Variants in TERT observed in about 807,000 individuals in gnomAD.
TERT encodes telomerase reverse transcriptase, also known as telomerase catalytic subunit.
In TERT, 42 loss-of-function variants were observed where a neutral mutation model predicts 104.0. That is an observed-to-expected ratio of 0.40 (90% CI 0.32 to 0.52). The LOEUF is 0.52. Ranked by LOEUF, TERT falls within the 20% of genes least tolerant of loss-of-function variation. TERT has a pLI of 0.43. For synonymous variants in TERT, 781 were observed against 725.6 expected, an observed-to-expected ratio of 1.08 and a Z score of -1.23; for missense variants, 1,101 against 1,610.3, an observed-to-expected ratio of 0.68 and a Z score of 5.41.
chr5:1,280,279 C>T lies in TERT; in HGVS notation c.1829G>A (p.Arg610Gln), dbSNP rs776763536. The change falls in exon 4 of 16, where the codon CGG becomes CAG. Residue 610 changes from arginine to glutamine, a missense_variant. By Grantham distance (43) the Arg-to-Gln change is conservative. This residue lies in a region of TERT where 463 missense variants were observed against 797.5 expected (regional missense o/e 0.58). Coordinates refer to ENST00000310581, the MANE Select transcript of TERT (RefSeq NM_198253.3). ...CGTCAGCAGGGCGGGCCTGGCTTCC[C>T]GATGCTGCCTGACCTCTGCTTCCGA... Reference protein sequence around the residue: ...ELSEAEVRQHREARPALLTSR... With the variant: ...ELSEAEVRQHQEARPALLTSR... The T allele has an allele frequency of 1.1e-5, 17 of 1,613,720 alleles. No homozygotes were observed. In the East Asian group the frequency reaches 1.6e-4, roughly 15 times the overall value.
intron 10 of TERT, 23 bp from the exon 11 acceptor site, chr5:1,264,615 G>A (rs1421374573): frequency 1.2e-6 from 2 of 1,613,242 alleles, no homozygotes; most frequent in African/African-American, 1.3e-5. Flanking sequence ...GGCAATGTCA[G>A]CCCCAGGATG....
At chr5:1,277,800 C>T (rs1749711170) in intron 6 of TERT, among the ~76,000 whole-genome samples, 2 of 152,200 alleles carry the variant, frequency 1.3e-5, no homozygotes. Flanking sequence ...GAAAGAGGTC[C>T]TTGTGGGTTT....
intron 6 of TERT, 146 bp from the exon 7 acceptor site, chr5:1,272,426 T>C (rs1369993357): frequency 9.8e-6 from 8 of 813,762 alleles, no homozygotes; most frequent in Admixed American, 2.0e-5. Flanking sequence ...AAGCTTCTGT[T>C]TGGGAAACGG....
chr5:1,264,363 C>A (rs751983846), intron 11 of TERT, 41 bp downstream of exon 11: 3 of 1,579,420 alleles, frequency 1.9e-6, no homozygotes, highest in Non-Finnish European at 2.6e-6. Context: ...AGCACCTGCC[C>A]CAGCCGGGCA....
At position 1,264,398 on chromosome 5, in the gene TERT, G is replaced by A. The variant is rs372086160; in HGVS notation, c.2843+6C>T. On this transcript the variant is annotated splice_donor_region_variant and intron_variant, in intron 11 of 15. Coordinates refer to ENST00000310581, the MANE Select transcript of TERT (RefSeq NM_198253.3). ...ACAGGCTCCACTTCCGGCCAGGTGC[G>A]CTCACCTGGAGTAGTCGCTCTGCAC... 3.2e-5 allele frequency: 51 copies of A among 1,610,018 alleles called. No homozygotes were observed. Among genetic ancestry groups the A allele is most frequent in the Middle Eastern group, 1.6e-4 (1 of 6,074 alleles).
At chr5:1,283,687 C>A (rs969106222) in intron 2 of TERT, among the ~76,000 whole-genome samples, 2 of 142,018 alleles carry the variant, frequency 1.4e-5, no homozygotes, top group Non-Finnish European at 3.0e-5. Context: ...GGACACCACA[C>A]ATCCAGCCCA....
rs754232005 is a variant in TERT at position 1,263,014 on chromosome 5, C to T, written c.2843+1390G>A. ...AGGGACTGTGGGGAGCACAGGAGAC[C>T]GGCATCCTTGTGGGGAGGGAGCTGC... On this transcript the variant is annotated intron_variant, in intron 11 of 15. Coordinates refer to ENST00000310581, the MANE Select transcript of TERT (RefSeq NM_198253.3). This position sits in a 1 kb window ranked among gnomAD's most constrained non-coding sequence, Gnocchi z 5.3. Among the ~76,000 whole-genome samples the T allele has an allele frequency of 1.1e-4, 16 of 152,126 alleles. No individual in the cohort carries two copies. The highest frequency in any genetic ancestry group is 1.4e-4 in the African/African-American group (6 of 41,420).
chr5:1,274,082 C>G lies in TERT; in HGVS notation c.2287-1802G>C, dbSNP rs1057223083. ...GATGTGAGCAGGCACGTGACACACA[C>G]TAACACGGACACAGGAGGCCTCGAG... is the stretch of plus-strand genomic sequence containing the variant. On this transcript the variant is annotated intron_variant, in intron 6 of 15. Coordinates refer to ENST00000310581, the MANE Select transcript of TERT (RefSeq NM_198253.3). This position sits in a 1 kb window ranked among gnomAD's most constrained non-coding sequence, Gnocchi z 5.3. Among the ~76,000 whole-genome samples the G allele has an allele frequency of 6.6e-6, 1 of 152,258 alleles. No individual in the cohort carries two copies. Among genetic ancestry groups the G allele is most frequent in the Admixed American group, 6.5e-5 (1 of 15,294 alleles).
Position 1,286,263 on chromosome 5 carries a change from C to T in TERT, c.1574-3639G>A, listed in dbSNP as rs1033224793. Among the ~76,000 whole-genome samples the T allele has an allele frequency of 7.9e-5, 12 of 152,146 alleles. No individual in the cohort carries two copies. The highest frequency in any genetic ancestry group is 2.9e-4 in the African/African-American group (12 of 41,430). ...TCGCTAGATGCCATGGAGGCCAGCACAGGTAAAGCTGGGGTTTACCAGCAA... is the reference window on the plus strand; with the variant it reads ...TCGCTAGATGCCATGGAGGCCAGCATAGGTAAAGCTGGGGTTTACCAGCAA... On this transcript the variant is annotated intron_variant, in intron 2 of 15. Coordinates refer to ENST00000310581, the MANE Select transcript of TERT (RefSeq NM_198253.3). This position sits in a 1 kb window ranked among gnomAD's most constrained non-coding sequence, Gnocchi z 5.3.
rs980696733 is a variant in TERT, at chr5:1,261,177, C to T, written c.2844-577G>A. Among the ~76,000 whole-genome samples, 2 of 152,232 alleles carry T rather than the reference C, an allele frequency of 1.3e-5. No individual in the cohort carries two copies. Among genetic ancestry groups the T allele is most frequent in the Non-Finnish European group, 2.9e-5 (2 of 68,044 alleles). ...CTCACTGCCCATGTATGTCCATGTC[C>T]AAAGATGAACACACATGACATCCAC... is the stretch of plus-strand genomic sequence containing the variant. On this transcript the variant is annotated intron_variant, in intron 11 of 15. Transcript: ENST00000310581. This position sits in a 1 kb window ranked among gnomAD's most constrained non-coding sequence, Gnocchi z 7.4.
intron 11 of TERT, 40 bp downstream of exon 11, chr5:1,264,364 C>A (rs373983866): frequency 3.1e-4 from 484 of 1,580,506 alleles, no homozygotes; most frequent in Non-Finnish European, 4.0e-4. Flanking sequence ...GCACCTGCCC[C>A]AGCCGGGCAC....
At position 1,262,762 on chromosome 5, in the gene TERT, A is replaced by T. The variant is rs527978163; in HGVS notation, c.2843+1642T>A. Among the ~76,000 whole-genome samples, 2 of 152,354 alleles carry T rather than the reference A, an allele frequency of 1.3e-5. No homozygotes were observed. Among genetic ancestry groups the T allele is most frequent in the Admixed American group, 1.3e-4 (2 of 15,304 alleles). ...GTTTGTCTGTCCTTTGTCCTTCAAT[A>T]ACATTCACTGATGCTGTGCCAGAGG... On this transcript the variant is annotated intron_variant, in intron 11 of 15. Transcript: ENST00000310581. This position sits in a 1 kb window ranked among gnomAD's most constrained non-coding sequence, Gnocchi z 5.6.
At chr5:1,254,625 C>A in intron 14 of TERT, 120 bp from the exon 15 acceptor site, 1 of 1,159,560 alleles carries the variant, frequency 8.6e-7, no homozygotes, top group Non-Finnish European at 1.2e-6. Flanking sequence ...CTGTCCCGAC[C>A]CAAGCACCGC....
In TERT at chr5:1,282,469, G is replaced by A. The variant is rs1207489144; in HGVS notation, c.1729C>T (p.Arg577Trp). The A allele has an allele frequency of 2.5e-6, 4 of 1,614,138 alleles. No homozygotes were observed. Among genetic ancestry groups the A allele is most frequent in the East Asian group, 2.2e-5 (1 of 44,888 alleles). The change falls in exon 3 of 16, where the codon CGG becomes TGG. Residue 577 changes from arginine (R) to tryptophan (W), a missense_variant. Transcript: ENST00000310581. ...TFQKNRLFFYRKSVWSKLQSI... is the reference protein window; with the variant it reads ...TFQKNRLFFYWKSVWSKLQSI... ...TGCAACTTGCTCCAGACACTCTTCCGGTAGAAAAAGAGCCTGTTCTTTTGA... is the reference window on the plus strand; with the variant it reads ...TGCAACTTGCTCCAGACACTCTTCCAGTAGAAAAAGAGCCTGTTCTTTTGA...
intron 2 of TERT, among the ~76,000 whole-genome samples, chr5:1,291,563 C>T (rs1306362207): frequency 3.4e-5 from 4 of 116,030 alleles, no homozygotes; most frequent in East Asian, 2.9e-4. Flanking sequence ...CCGGGGACCG[C>T]GCCTCACTCA....
At position 1,294,158 on chromosome 5, in the gene TERT, G is replaced by A. The variant is rs1346044973; in HGVS notation, c.728C>T (p.Ala243Val). The A allele has an allele frequency of 1.9e-6, 3 of 1,580,634 alleles. No individual in the cohort carries two copies. The highest frequency in any genetic ancestry group is 2.6e-6 in the Non-Finnish European group (3 of 1,166,604). ...PLPKRPRRGA[A>V]PEPERTPVGQ... ...AACGGGCGTCCGCTCCGGCTCAGGG[G>A]CAGCGCCACGCCTGGGCCTCTTGGG... The change falls in exon 2 of 16, where the codon GCC (alanine) becomes GTC (valine). Residue 243 changes from alanine (A) to valine (V), a missense_variant. Physicochemically the swap from Ala to Val is moderately conservative, Grantham distance 64. Around this residue, in one of 5 missense-constraint regions of TERT, gnomAD observed 504 missense variants for 544.6 expected, o/e 0.93. Transcript: ENST00000310581.
At chr5:1,289,776 C>T (rs1254945037) in intron 2 of TERT, among the ~76,000 whole-genome samples, 22 of 107,242 alleles carry the variant, frequency 2.1e-4, no homozygotes, top group African/African-American at 7.2e-4. Flanking sequence ...TCACCCTACA[C>T]GTGACAGGGA....
intron 2 of TERT, 33 bp downstream of exon 2, chr5:1,293,280 G>A: frequency 6.2e-7 from 1 of 1,610,414 alleles, no homozygotes; most frequent in South Asian, 1.1e-5. Flanking sequence ...TCAGCTCTGG[G>A]GCCTGGGCCC....
At chr5:1,260,449 CTG>C (rs1244893538) in intron 12 of TERT, 23 bp downstream of exon 12, 13 of 1,613,514 alleles carry the variant, frequency 8.1e-6, no homozygotes, top group Middle Eastern at 1.6e-4. Context: ...ACTCTGAACT[CTG>C]TGCTGACCAT....
Sources: gnomAD v4.1 joint callset for allele counts (sites outside exome capture counted in the v4.1 genomes callset) on GRCh38, gnomAD v4.1.1 for gene constraint, gnomAD v4.1.1 regional missense constraint, Gnocchi (gnomAD v3.1) non-coding constraint, MANE v1.5 for transcripts, NCBI Gene and HGNC (gene_info 2026-07-23, HGNC 2026-07-21) for gene names.